CSE1L: variants seen among roughly 807,000 people sequenced by gnomAD.
CSE1L encodes the protein chromosome segregation 1 like, also known as exportin-2.
Under a neutral mutation model 120.4 loss-of-function variants are expected in CSE1L, and 24 were observed. That is an observed-to-expected ratio of 0.20 (90% confidence interval 0.14 to 0.28). The LOEUF is 0.28. Ranked by LOEUF, CSE1L falls within the 10% of genes least tolerant of loss-of-function variation. The pLI, the probability that CSE1L is intolerant of heterozygous loss-of-function variation, is 1.00. For synonymous variants in CSE1L, 402 were observed against 398.3 expected, an observed-to-expected ratio of 1.01 and a Z score of -0.11; for missense variants, 830 against 1,145.2, an observed-to-expected ratio of 0.72 and a Z score of 3.97.
intron 1 of CSE1L, among the ~76,000 whole-genome samples, chr20:49,057,287 G>A (rs898177863): frequency 6.6e-6 from 1 of 152,072 alleles, no homozygotes; most frequent in African/African-American, 2.4e-5. Flanking sequence ...AATCTTAGCT[G>A]TCATCTTCTG....
At chr20:49,077,153 C>CTTTTTTTTTTTTTTTTTTTTTTTTT (rs11439721) in intron 13 of CSE1L, 89 bp downstream of exon 13, 1 of 380,898 alleles carries the variant, frequency 2.6e-6, no homozygotes, top group Non-Finnish European at 4.4e-6. Flanking sequence ...CCCTTTTGTT[C>CTTTTTTTTTTTTTTTTTTTTTTTTT]TTTTTTTTTT....
chr20:49,082,943 C>T (rs2092025021), intron 14 of CSE1L, among the ~76,000 whole-genome samples: 1 of 152,154 alleles, frequency 6.6e-6, no homozygotes, highest in Admixed American at 6.5e-5. Flanking sequence ...CCTTAGCCTC[C>T]CTAGTTGATG....
rs750591665 is a variant in CSE1L, at chr20:49,090,725, A to T, written c.2182-17A>T. The T allele has an allele frequency of 3.1e-6, 5 of 1,599,410 alleles. No individual in the cohort carries two copies. Among genetic ancestry groups the T allele is most frequent in the East Asian group, 2.2e-5 (1 of 44,754 alleles). On this transcript the variant is annotated splice_polypyrimidine_tract_variant and intron_variant, in intron 19 of 24. Transcript: ENST00000262982. Reference sequence around the variant, plus strand: ...ATTCCTGTTAACCATTTTCTGTTGGATCTCATTTCTTAACAGCCTGGGTTA... The same window carrying T: ...ATTCCTGTTAACCATTTTCTGTTGGTTCTCATTTCTTAACAGCCTGGGTTA...
At chr20:49,074,974 G>A in intron 11 of CSE1L, 124 bp downstream of exon 11, 1 of 665,632 alleles carries the variant, frequency 1.5e-6, no homozygotes, top group Non-Finnish European at 2.5e-6. Flanking sequence ...CTTTCATTGA[G>A]AACTGTTGTC....
At chr20:49,074,955 T>A in intron 11 of CSE1L, 105 bp downstream of exon 11, 1 of 776,986 alleles carries the variant, frequency 1.3e-6, no homozygotes. Flanking sequence ...AGAGTGTTTT[T>A]TCAGCGGGCT....
At chr20:49,070,053 T>C in intron 7 of CSE1L, 152 bp from the exon 8 acceptor site, 1 of 487,222 alleles carries the variant, frequency 2.1e-6, no homozygotes, top group Non-Finnish European at 3.6e-6. Flanking sequence ...AGCTGCCAGA[T>C]GTAGCTGGAG....
chr20:49,081,723 C>G (rs994783495), intron 14 of CSE1L, among the ~76,000 whole-genome samples: 1 of 152,084 alleles, frequency 6.6e-6, no homozygotes. Context: ...TCTTCTGATT[C>G]TGAATGCCTA....
At position 49,070,200 on chromosome 20, in the gene CSE1L, T is replaced by C. The variant is rs770181432; in HGVS notation, c.676-5T>C. The C allele has an allele frequency of 6.7e-6, 9 of 1,352,520 alleles. No homozygotes were observed. The highest frequency in any genetic ancestry group is 8.3e-6 in the Non-Finnish European group (8 of 969,412). 83.8% of individuals were successfully genotyped at this position (1,352,520 alleles called of 1,614,324 possible). ...AAAAGTTTCAAGTCAGTGTTTATTC[T>C]GTAGGATCTCCCTGAATTTTTTGAA... On this transcript the variant is annotated splice_polypyrimidine_tract_variant and splice_region_variant and intron_variant, in intron 7 of 24. Transcript: ENST00000262982.
At chr20:49,047,646 G>A (rs2091730064) in intron 1 of CSE1L, among the ~76,000 whole-genome samples, 1 of 127,664 alleles carries the variant, frequency 7.8e-6, no homozygotes, top group African/African-American at 3.0e-5. Flanking sequence ...GCGCGATCTC[G>A]ACTCACTGCA....
intron 6 of CSE1L, among the ~76,000 whole-genome samples, chr20:49,067,814 C>A (rs952341773): frequency 5.9e-5 from 9 of 151,642 alleles, no homozygotes; most frequent in African/African-American, 1.5e-4. Context: ...TAGCTCACTG[C>A]AGCCTCAACT....
At chr20:49,084,297 A>T (rs1196898110) in intron 15 of CSE1L, 135 bp downstream of exon 15, 16 of 907,180 alleles carry the variant, frequency 1.8e-5, no homozygotes, top group Non-Finnish European at 2.6e-5. Context: ...ACTCTGTTTC[A>T]TTCTAAAAGC....
Position 49,085,368 on chromosome 20 carries a change from A to C in CSE1L, c.1705A>C (p.Asn569His). Residue 569 changes from asparagine (N) to histidine (H), a missense_variant, in exon 16 of 25, where the codon AAT becomes CAT. Asn to His is a moderately conservative substitution (Grantham distance 68). This residue lies in a region of CSE1L where 168 missense variants were observed against 267.9 expected (regional missense o/e 0.63). Transcript: ENST00000262982. ...KALTLPGSSE[N>H]EYIMKAIMRS... ...TCTCACACTTCCTGGCTCTTCAGAA[A>C]ATGAATATATTATGAAAGGTAGGCT... 1 of 1,613,484 alleles carries C rather than the reference A, an allele frequency of 6.2e-7. No individual in the cohort carries two copies. Among genetic ancestry groups the C allele is most frequent in the Non-Finnish European group, 8.5e-7 (1 of 1,179,532 alleles).
intron 1 of CSE1L, among the ~76,000 whole-genome samples, chr20:49,051,732 CTG>C (rs2091767753): frequency 6.6e-6 from 1 of 152,222 alleles, no homozygotes; most frequent in Non-Finnish European, 1.5e-5. Flanking sequence ...GAGTCTTACT[CTG>C]TTGCCCAGAT....
intron 14 of CSE1L, 114 bp from the exon 15 acceptor site, chr20:49,083,912 G>A: frequency 9.1e-7 from 1 of 1,095,354 alleles, no homozygotes. Flanking sequence ...TATTATAACA[G>A]AGCTTAAAAA....
chr20:49,079,696 G>C (rs2091995856), intron 14 of CSE1L, among the ~76,000 whole-genome samples: 1 of 151,892 alleles, frequency 6.6e-6, no homozygotes, highest in African/African-American at 2.4e-5. Context: ...CCCACATTTG[G>C]GCCTGCGGAA....
chr20:49,053,870 A>G (rs1291794050), intron 1 of CSE1L, among the ~76,000 whole-genome samples: 1 of 151,832 alleles, frequency 6.6e-6, no homozygotes, highest in East Asian at 1.9e-4. Context: ...TTGTATTTTT[A>G]GTAGAGATGG....
At chr20:49,061,167 ATTTT>A (rs3092068) in intron 2 of CSE1L, among the ~76,000 whole-genome samples, 5 of 116,292 alleles carry the variant, frequency 4.3e-5, no homozygotes, top group Admixed American at 2.0e-4. Flanking sequence ...ACTATTAAAA[ATTTT>A]TTTTTTTTTT....
At chr20:49,070,937 G>A (rs562072593) in intron 8 of CSE1L, among the ~76,000 whole-genome samples, 9 of 152,224 alleles carry the variant, frequency 5.9e-5, no homozygotes, top group African/African-American at 1.9e-4. Context: ...GGGAGACCTC[G>A]TCTCAGAAAA....
chr20:49,088,262 G>A (rs2092075150), intron 17 of CSE1L, among the ~76,000 whole-genome samples, 156 bp downstream of exon 17: 1 of 152,220 alleles, frequency 6.6e-6, no homozygotes, highest in Admixed American at 6.5e-5. Flanking sequence ...TGGGCATGCT[G>A]TTAGATTGGA....
Sources: gnomAD v4.1 joint callset for allele counts (sites outside exome capture counted in the v4.1 genomes callset) on GRCh38, gnomAD v4.1.1 for gene constraint, gnomAD v4.1.1 regional missense constraint, MANE v1.5 for transcripts, NCBI Gene and HGNC (gene_info 2026-07-23, HGNC 2026-07-21) for gene names.